Variants in MRPL47 observed in about 807,000 individuals in gnomAD.
The protein encoded by MRPL47 is large ribosomal subunit protein uL29m.
Under a neutral mutation model 34.0 loss-of-function variants are expected in MRPL47, and 31 were observed. The ratio of observed to expected loss-of-function variants is 0.91; its 90% CI spans 0.68 to 1.23. MRPL47 has a LOEUF of 1.23. Among genes scored for constraint, MRPL47 ranks in the 50% most tolerant of loss-of-function variants. MRPL47 has a pLI of 0.00. For synonymous variants in MRPL47, 106 were observed against 101.6 expected (o/e 1.04, Z -0.26); for missense variants, 328 against 285.8 (o/e 1.15, Z -1.07).
At chr3:179,590,725 A>G (rs933704289) in intron 6 of MRPL47, among the ~76,000 whole-genome samples, 1 of 152,158 alleles carries the variant, frequency 6.6e-6, no homozygotes, top group Non-Finnish European at 1.5e-5. Context: ...TCTTGAGGAA[A>G]ATTAGCCAGG....
intron 4 of MRPL47, 132 bp from the exon 5 acceptor site, chr3:179,594,027 T>A: frequency 2.5e-6 from 2 of 806,888 alleles, no homozygotes; most frequent in Non-Finnish European, 1.9e-6. Flanking sequence ...TGTTAAGTAT[T>A]TCCTAAAAAT....
chr3:179,595,007 T>A (rs1422413310), intron 4 of MRPL47, among the ~76,000 whole-genome samples: 1 of 152,206 alleles, frequency 6.6e-6, no homozygotes, highest in Non-Finnish European at 1.5e-5. Context: ...CTGAAAAAGA[T>A]ATGAAAGCCA....
chr3:179,593,895 C>T lies in MRPL47; in HGVS notation c.403G>A (p.Val135Ile). The T allele has an allele frequency of 1.2e-6, 2 of 1,608,552 alleles. No homozygotes were observed. The highest frequency in any genetic ancestry group is 1.7e-6 in the Non-Finnish European group (2 of 1,177,992). ...PMPSPERLDK[V>I]VDSMDALDKV... Reference sequence around the variant, plus strand: ...TCTAATGCATCCATGGAATCTACTACCTGAAAAGAGAATAGAAAGATACAA... The same window carrying T: ...TCTAATGCATCCATGGAATCTACTATCTGAAAAGAGAATAGAAAGATACAA... The change falls in exon 5 of 7, where the codon GTA (valine) becomes ATA (isoleucine). Residue 135 changes from valine to isoleucine, a missense_variant and splice_region_variant. Coordinates refer to ENST00000476781, the MANE Select transcript of MRPL47 (RefSeq NM_020409.3).
At chr3:179,602,253 A>C (rs1313226665) in intron 2 of MRPL47, among the ~76,000 whole-genome samples, 1 of 152,178 alleles carries the variant, frequency 6.6e-6, no homozygotes, top group African/African-American at 2.4e-5. Context: ...CTGAGGCAGG[A>C]GAATCACTGG....
chr3:179,593,599 T>C (rs1199946287), intron 5 of MRPL47, among the ~76,000 whole-genome samples, 166 bp downstream of exon 5: 3 of 152,218 alleles, frequency 2.0e-5, no homozygotes, highest in Non-Finnish European at 4.4e-5. Context: ...TTCATTCATA[T>C]CCTCCTTCAT....
Position 179,601,810 on chromosome 3 carries a change from C to T in MRPL47, c.245-20G>A, listed in dbSNP as rs1283682879. 1.3e-6 allele frequency: 2 copies of T among 1,567,194 alleles called. No individual in the cohort carries two copies. Among genetic ancestry groups the T allele is most frequent in the Non-Finnish European group, 1.8e-6 (2 of 1,140,932 alleles). On this transcript the variant is annotated intron_variant, in intron 2 of 6. Coordinates refer to ENST00000476781, the MANE Select transcript of MRPL47 (RefSeq NM_020409.3). ...CTGCTCCTATTAAAATAATACATAA[C>T]ATGAAATAACATTTCTAGCCATGTG...
intron 6 of MRPL47, among the ~76,000 whole-genome samples, chr3:179,591,720 C>T (rs760970554): frequency 4.8e-4 from 73 of 152,288 alleles, no homozygotes; most frequent in Middle Eastern, 3.4e-3. Flanking sequence ...TTATTTGGAC[C>T]TTCATTTTAA....
intron 6 of MRPL47, among the ~76,000 whole-genome samples, chr3:179,591,149 A>T (rs1410261340): frequency 1.3e-5 from 2 of 152,230 alleles, no homozygotes; most frequent in African/African-American, 4.8e-5. Flanking sequence ...CGTATTATTC[A>T]AGAGTTGTTA....
intron 4 of MRPL47, among the ~76,000 whole-genome samples, chr3:179,595,319 G>A (rs1307559522): frequency 6.6e-6 from 1 of 152,194 alleles, no homozygotes; most frequent in Non-Finnish European, 1.5e-5. Context: ...AAAGTGCTGG[G>A]ATTACAGACG....
intron 1 of MRPL47, 121 bp downstream of exon 1, chr3:179,604,406 C>A: frequency 1.1e-6 from 1 of 899,156 alleles, no homozygotes; most frequent in Non-Finnish European, 1.7e-6. Flanking sequence ...AAAGTGGGCT[C>A]CGGCTCTGCC....
In MRPL47 at chr3:179,588,758, T is replaced by C; in HGVS notation, c.*114A>G. ...CATATTCACACTTAGAACAACTGAT[T>C]AGTAAAGTCACTTGACTAAAAACAG... On this transcript the variant is annotated 3_prime_UTR_variant, in exon 7 of 7. Transcript: ENST00000476781. 4.0e-6 allele frequency: 4 copies of C among 1,005,556 alleles called. No individual in the cohort carries two copies. Among genetic ancestry groups the C allele is most frequent in the Non-Finnish European group, 5.8e-6 (4 of 693,320 alleles). The allele number at this position is 1,005,556 out of a possible 1,614,324, so 62.3% of individuals were successfully genotyped here.
chr3:179,593,845 A>T lies in MRPL47; in HGVS notation c.453T>A (p.Asp151Glu), dbSNP rs148882452. 978 of 1,612,078 alleles carry T rather than the reference A, an allele frequency of 6.1e-4. 4 individuals are homozygous for T. Among genetic ancestry groups the T allele is most frequent in the Non-Finnish European group, 1.6e-4 (190 of 1,178,198 alleles). ...GACCAGTCTGAAGAAGCCTTAGGGC[A>T]TCTTCTCTTTCCTGGACAACTTTAT... is the stretch of plus-strand genomic sequence containing the variant. ...ALDKVVQERE[D>E]ALRLLQTGQE... Residue 151 changes from aspartate to glutamate, a missense_variant, in exon 5 of 7, where the codon GAT becomes GAA. Coordinates refer to ENST00000476781, the MANE Select transcript of MRPL47 (RefSeq NM_020409.3).
At chr3:179,592,772 A>C in intron 5 of MRPL47, 33 bp from the exon 6 acceptor site, 2 of 1,369,362 alleles carry the variant, frequency 1.5e-6, no homozygotes, top group Non-Finnish European at 2.1e-6. Flanking sequence ...TTTGCCTTAA[A>C]GAAAACATTT....
At chr3:179,603,754 T>G (rs957416944) in intron 1 of MRPL47, among the ~76,000 whole-genome samples, 1 of 152,360 alleles carries the variant, frequency 6.6e-6, no homozygotes, top group East Asian at 1.9e-4. Context: ...TAAAAATTAC[T>G]GTGCATCTGG....
intron 6 of MRPL47, among the ~76,000 whole-genome samples, chr3:179,589,740 A>G (rs555504175): frequency 5.3e-5 from 8 of 152,152 alleles, no homozygotes; most frequent in Non-Finnish European, 1.2e-4. Context: ...AAATTGAGAT[A>G]ACACGTATTA....
chr3:179,598,425 C>CACACA (rs1718841949), intron 4 of MRPL47, among the ~76,000 whole-genome samples: 1 of 125,970 alleles, frequency 7.9e-6, no homozygotes, highest in African/African-American at 3.2e-5. Flanking sequence ...CACACACACA[C>CACACA]AAACAAAAAA....
chr3:179,602,487 T>C (rs1718947975), intron 2 of MRPL47, among the ~76,000 whole-genome samples, 165 bp downstream of exon 2: 1 of 151,712 alleles, frequency 6.6e-6, no homozygotes, highest in Non-Finnish European at 1.5e-5. Context: ...TCTACTATTA[T>C]ATTGTCCCTT....
chr3:179,588,781 CAG>C lies in MRPL47; in HGVS notation c.*89_*90del, dbSNP rs3836474. ...ATTAGTAAAGTCACTTGACTAAAAA[CAG>C]AATTTCTTTATAAACCACTTAACAT... On this transcript the variant is annotated 3_prime_UTR_variant, in exon 7 of 7. Coordinates refer to ENST00000476781, the MANE Select transcript of MRPL47 (RefSeq NM_020409.3). The C allele has an allele frequency of 1.8e-3, 2,266 of 1,270,982 alleles. 63 individuals are homozygous for C. In the East Asian group the frequency reaches 0.046, roughly 26 times the overall value. 78.7% of individuals were successfully genotyped at this position (1,270,982 alleles called of 1,614,324 possible).
intron 4 of MRPL47, among the ~76,000 whole-genome samples, chr3:179,596,956 C>T (rs950424841): frequency 1.6e-4 from 25 of 152,126 alleles, no homozygotes; most frequent in African/African-American, 6.0e-4. Flanking sequence ...TTGAAATTTA[C>T]ATAGTGGTTA....
Sources: gnomAD v4.1 joint callset for allele counts (sites outside exome capture counted in the v4.1 genomes callset) on GRCh38, gnomAD v4.1.1 for gene constraint, MANE v1.5 for transcripts, NCBI Gene and HGNC (gene_info 2026-07-23, HGNC 2026-07-21) for gene names.